The following PTGER3 variants were observed in gnomAD, a reference collection of about 807,000 sequenced individuals.
PTGER3 encodes the protein prostaglandin E receptor 3.
In PTGER3, 22 loss-of-function variants were observed where a neutral mutation model predicts 34.7. The ratio of observed to expected loss-of-function variants is 0.63; its 90% CI spans 0.45 to 0.91. PTGER3 has a LOEUF of 0.91. Among genes scored for constraint, PTGER3 ranks in the 40% least tolerant of loss-of-function variants. The probability of loss-of-function intolerance (pLI) is 0.00; values close to 1 mark genes in which losing one functional copy is unlikely to be tolerated. For synonymous variants in PTGER3, 241 were observed against 230.1 expected (o/e 1.05, Z -0.43); for missense variants, 468 against 519.4 (o/e 0.90, Z 0.96).
chr1:70,916,727 G>C (rs1476700230), intron 4 of PTGER3, among the ~76,000 whole-genome samples: 1 of 151,954 alleles, frequency 6.6e-6, no homozygotes. Context: ...ACAACTGGGC[G>C]TGGGGGAGGA....
At chr1:71,008,512 T>C in intron 2 of PTGER3, 2 of 939,072 alleles carry the variant, frequency 2.1e-6, no homozygotes, top group Non-Finnish European at 2.5e-6. Context: ...GTTAGTTTCC[T>C]TACAATACTG....
chr1:70,952,252 A>G (rs1650831482), downstream of PTGER3, among the ~76,000 whole-genome samples: 1 of 142,590 alleles, frequency 7.0e-6, no homozygotes, highest in Non-Finnish European at 1.5e-5. Context: ...CACATAACAG[A>G]TGAGAAATGG....
chr1:71,031,245 AACACAC>A (rs56278148), intron 1 of PTGER3, among the ~76,000 whole-genome samples: 54,100 of 149,156 alleles, frequency 0.36, 10,523 homozygotes, highest in South Asian at 0.46. Flanking sequence ...GTGGCAGGAA[AACACAC>A]ACACACACAC....
intron 4 of PTGER3, chr1:70,883,869 C>A: frequency 4.3e-6 from 1 of 234,890 alleles, no homozygotes; most frequent in South Asian, 4.3e-5. Flanking sequence ...TCAAGACCAG[C>A]CTGGCAAACA....
chr1:70,880,584 G>T (rs1646369065), intron 4 of PTGER3, among the ~76,000 whole-genome samples: 1 of 151,654 alleles, frequency 6.6e-6, no homozygotes, highest in African/African-American at 2.4e-5. Flanking sequence ...CAGCTATTCA[G>T]GAGGCTGATG....
At chr1:70,890,116 A>G (rs975966712) in intron 4 of PTGER3, among the ~76,000 whole-genome samples, 1 of 152,224 alleles carries the variant, frequency 6.6e-6, no homozygotes, top group Admixed American at 6.5e-5. Flanking sequence ...AGACCACTAG[A>G]CAAGGTCCTG....
intron 4 of PTGER3, among the ~76,000 whole-genome samples, chr1:70,853,878 G>A (rs1645740169): frequency 6.6e-6 from 1 of 152,084 alleles, no homozygotes; most frequent in South Asian, 2.1e-4. Flanking sequence ...GGCTTAAAGG[G>A]TAGTCCTGTC....
chr1:70,902,117 AG>A (rs1477320365), intron 4 of PTGER3, among the ~76,000 whole-genome samples: 3 of 152,220 alleles, frequency 2.0e-5, no homozygotes, highest in African/African-American at 7.2e-5. Flanking sequence ...AAGGAAGAAA[AG>A]ATACCTATAA....
intron 2 of PTGER3, among the ~76,000 whole-genome samples, chr1:70,984,777 C>A (rs1260633363): frequency 6.6e-6 from 1 of 151,864 alleles, no homozygotes; most frequent in African/African-American, 2.4e-5. Context: ...AGCCCAAGAA[C>A]TCACATCTTA....
intron 1 of PTGER3, among the ~76,000 whole-genome samples, chr1:71,034,586 T>C (rs1047770291): frequency 6.6e-6 from 1 of 152,184 alleles, no homozygotes; most frequent in Non-Finnish European, 1.5e-5. Flanking sequence ...CTCTTTGTGA[T>C]AAAACATAAT....
chr1:70,951,717 A>G (rs929641146), downstream of PTGER3, among the ~76,000 whole-genome samples: 1 of 152,088 alleles, frequency 6.6e-6, no homozygotes, highest in East Asian at 1.9e-4. Context: ...TTTCCTTAGC[A>G]CCTCCAATGT....
chr1:70,936,031 G>C (rs1465288106), intron 4 of PTGER3, among the ~76,000 whole-genome samples: 1 of 152,128 alleles, frequency 6.6e-6, no homozygotes. Context: ...CAAGTTTCTA[G>C]AAGTATGAAA....
chr1:71,015,367 A>G (rs2817857), intron 1 of PTGER3, among the ~76,000 whole-genome samples: 139,129 of 152,266 alleles, frequency 0.91, 63,652 homozygotes, highest in East Asian at 0.96. Flanking sequence ...GTAGGAACCC[A>G]GCTCCAAGGT....
At chr1:70,966,953 G>T (rs1293930721), downstream of PTGER3, among the ~76,000 whole-genome samples, 1 of 151,820 alleles carries the variant, frequency 6.6e-6, no homozygotes, top group Non-Finnish European at 1.5e-5. Context: ...CTATTTTGGG[G>T]GTATATACCC....
intron 4 of PTGER3, among the ~76,000 whole-genome samples, chr1:70,946,924 A>G (rs1484898442): frequency 6.6e-6 from 1 of 152,014 alleles, no homozygotes; most frequent in Admixed American, 6.6e-5. Context: ...GAGCAGACTT[A>G]TATAATTCCA....
intron 4 of PTGER3, among the ~76,000 whole-genome samples, chr1:70,915,807 C>T (rs944959926): frequency 6.6e-6 from 1 of 151,682 alleles, no homozygotes; most frequent in African/African-American, 2.4e-5. Context: ...GTCTATGTGT[C>T]TGTTTCTCAG....
chr1:70,960,589 C>T (rs985042775), intron 2 of PTGER3, among the ~76,000 whole-genome samples: 1 of 151,972 alleles, frequency 6.6e-6, no homozygotes, highest in Non-Finnish European at 1.5e-5. Context: ...AAATGAGAGA[C>T]CATACTACCA....
intron 4 of PTGER3, among the ~76,000 whole-genome samples, chr1:70,872,031 CAAACACGATTGT>C (rs903474740): frequency 1.3e-5 from 2 of 152,128 alleles, no homozygotes; most frequent in Non-Finnish European, 2.9e-5. Flanking sequence ...GCTTTGGCCT[CAAACACGATTGT>C]GTTGAGGGAA....
intron 4 of PTGER3, among the ~76,000 whole-genome samples, chr1:70,897,802 G>C (rs991350846): frequency 6.6e-6 from 1 of 152,092 alleles, no homozygotes; most frequent in Non-Finnish European, 1.5e-5. Context: ...TGTTTGTTTT[G>C]CATTTATTGA....
Sources: gnomAD v4.1 joint callset for allele counts (sites outside exome capture counted in the v4.1 genomes callset) on GRCh38, gnomAD v4.1.1 for gene constraint, MANE v1.5 for transcripts, NCBI Gene and HGNC (gene_info 2026-07-23, HGNC 2026-07-21) for gene names.